Variants in RB1CC1 observed in about 807,000 individuals in gnomAD.
RB1CC1 encodes the protein RB1 inducible coiled-coil 1.
In RB1CC1, 46 loss-of-function variants were observed where a neutral mutation model predicts 177.5. That is an observed-to-expected ratio of 0.26 (90% CI 0.20 to 0.33). The LOEUF is 0.33. Among genes scored for constraint, RB1CC1 ranks in the 10% least tolerant of loss-of-function variants. RB1CC1 has a pLI of 1.00. For missense variants in RB1CC1, 1,703 were observed against 1,816.3 expected (o/e 0.94, Z 1.13); for synonymous variants, 666 against 613.6 (o/e 1.09, Z -1.26).
chr8:52,664,317 A>G (rs1851877709), intron 8 of RB1CC1, among the ~76,000 whole-genome samples: 3 of 152,286 alleles, frequency 2.0e-5, no homozygotes, highest in African/African-American at 7.2e-5. Context: ...CTCCCAATAT[A>G]CAACCAGACA....
intron 1 of RB1CC1, among the ~76,000 whole-genome samples, chr8:52,697,920 A>C (rs938757513): frequency 1.3e-5 from 2 of 152,234 alleles, no homozygotes; most frequent in African/African-American, 4.8e-5. Flanking sequence ...CTGTACCATG[A>C]AATCAATTTT....
chr8:52,706,961 T>C (rs114661636), intron 1 of RB1CC1, among the ~76,000 whole-genome samples: 1,829 of 152,158 alleles, frequency 0.012, 43 homozygotes, highest in African/African-American at 0.042. Flanking sequence ...CACGCCCCAA[T>C]TGTTATCTTT....
At chr8:52,679,969 TAG>T (rs1353493426) in intron 5 of RB1CC1, among the ~76,000 whole-genome samples, 2 of 152,168 alleles carry the variant, frequency 1.3e-5, no homozygotes, top group Non-Finnish European at 2.9e-5. Flanking sequence ...CTTACACATA[TAG>T]ATTCTGCTTC....
In RB1CC1 at chr8:52,672,482, C is replaced by T. The variant is rs540379858; in HGVS notation, c.1002+1363G>A. On this transcript the variant is annotated intron_variant, in intron 7 of 23. Transcript: ENST00000025008. ...GATAGGCCAGGTGCAGTGGCTCATG[C>T]CTGTAATCCCAGCACTTTGGAAGGC... Among the ~76,000 whole-genome samples, 13 of 152,312 alleles carry T rather than the reference C, an allele frequency of 8.5e-5. 1 individual carries two copies. The highest frequency in any genetic ancestry group is 4.1e-4 in the South Asian group (2 of 4,828).
intron 18 of RB1CC1, among the ~76,000 whole-genome samples, chr8:52,637,878 C>T (rs928418365): frequency 6.6e-6 from 1 of 152,076 alleles, no homozygotes; most frequent in Admixed American, 6.6e-5. Context: ...ACCATGTTGG[C>T]CAGGCTGATC....
At chr8:52,681,040 G>A (rs1853668110) in intron 5 of RB1CC1, among the ~76,000 whole-genome samples, 1 of 147,424 alleles carries the variant, frequency 6.8e-6, no homozygotes, top group African/African-American at 2.5e-5. Context: ...CACACAGGCT[G>A]GAGTGCAGTG....
chr8:52,697,348 A>G (rs1855517280), intron 1 of RB1CC1, among the ~76,000 whole-genome samples: 1 of 152,002 alleles, frequency 6.6e-6, no homozygotes, highest in Admixed American at 6.6e-5. Context: ...GATGGACGAG[A>G]CAAAATAAAC....
At chr8:52,651,561 A>C (rs561692888) in intron 15 of RB1CC1, among the ~76,000 whole-genome samples, 1 of 152,334 alleles carries the variant, frequency 6.6e-6, no homozygotes, top group African/African-American at 2.4e-5. Context: ...TGAAGTCAGA[A>C]CTGTTTTCAT....
intron 14 of RB1CC1, 36 bp downstream of exon 14, chr8:52,657,962 C>T (rs1851225021): frequency 1.9e-6 from 3 of 1,612,962 alleles, no homozygotes; most frequent in Non-Finnish European, 2.5e-6. Flanking sequence ...ACATTTTACA[C>T]TAATGAAGAA....
intron 1 of RB1CC1, among the ~76,000 whole-genome samples, chr8:52,712,516 A>C (rs963407698): frequency 4.0e-4 from 61 of 151,120 alleles, no homozygotes; most frequent in African/African-American, 1.3e-3. Context: ...AAAAAAAAAA[A>C]CTCAGGGACA....
At chr8:52,706,750 AAGAG>A (rs758772529) in intron 1 of RB1CC1, among the ~76,000 whole-genome samples, 44 of 151,006 alleles carry the variant, frequency 2.9e-4, no homozygotes, top group African/African-American at 8.2e-4. Flanking sequence ...AAAAAAAAAA[AAGAG>A]AGAGAGAGAT....
intron 15 of RB1CC1, among the ~76,000 whole-genome samples, chr8:52,654,265 G>A (rs969895448): frequency 3.9e-5 from 6 of 152,168 alleles, no homozygotes; most frequent in African/African-American, 1.4e-4. Context: ...CATAGGCTTT[G>A]CCCTTGCTCC....
intron 8 of RB1CC1, among the ~76,000 whole-genome samples, chr8:52,663,956 T>C (rs976927497): frequency 4.6e-5 from 7 of 152,192 alleles, no homozygotes; most frequent in African/African-American, 9.6e-5. Flanking sequence ...AAACAGCATG[T>C]AATTAATAAT....
At chr8:52,692,798 A>G (rs1271962210) in intron 1 of RB1CC1, among the ~76,000 whole-genome samples, 5 of 152,220 alleles carry the variant, frequency 3.3e-5, no homozygotes, top group African/African-American at 2.4e-5. Context: ...TACTAAATAC[A>G]ATACAAAAAA....
At chr8:52,696,310 G>A (rs1453622121) in intron 1 of RB1CC1, among the ~76,000 whole-genome samples, 1 of 146,072 alleles carries the variant, frequency 6.8e-6, no homozygotes, top group Non-Finnish European at 1.6e-5. Flanking sequence ...CCAAAGTGCT[G>A]GGATTACAGG....
chr8:52,696,210 A>C (rs1855394131), intron 1 of RB1CC1, among the ~76,000 whole-genome samples: 1 of 151,220 alleles, frequency 6.6e-6, no homozygotes, highest in Non-Finnish European at 1.5e-5. Flanking sequence ...ACGCCCGGCT[A>C]ATTTTTGTAT....
In RB1CC1 at chr8:52,674,132, C is replaced by G; in HGVS notation, c.715G>C (p.Glu239Gln). 1 of 1,614,100 alleles carries G rather than the reference C, an allele frequency of 6.2e-7. No individual in the cohort carries two copies. The highest frequency in any genetic ancestry group is 8.5e-7 in the Non-Finnish European group (1 of 1,179,994). ...GGCATATCAGGAGAGAGCACCAGTTCAGTGGATCTTTTCATCTCAGCTTTT... is the reference window on the plus strand; with the variant it reads ...GGCATATCAGGAGAGAGCACCAGTTGAGTGGATCTTTTCATCTCAGCTTTT... ...SEKAEMKRST[E>Q]LVLSPDMPRT... Residue 239 changes from glutamate to glutamine, a missense_variant, in exon 7 of 24, where the codon GAA (glutamate) becomes CAA (glutamine). Transcript: ENST00000025008.
intron 6 of RB1CC1, among the ~76,000 whole-genome samples, chr8:52,675,475 A>G (rs1317032713): frequency 6.6e-6 from 1 of 152,170 alleles, no homozygotes; most frequent in East Asian, 1.9e-4. Flanking sequence ...AATTACCATT[A>G]TATTTTCAGG....
chr8:52,713,225 T>C (rs1429179812), intron 1 of RB1CC1, among the ~76,000 whole-genome samples: 2 of 152,188 alleles, frequency 1.3e-5, no homozygotes, highest in African/African-American at 4.8e-5. Flanking sequence ...TTATCAACAG[T>C]GAGCACATGA....
Sources: gnomAD v4.1 joint callset for allele counts (sites outside exome capture counted in the v4.1 genomes callset) on GRCh38, gnomAD v4.1.1 for gene constraint, MANE v1.5 for transcripts, NCBI Gene and HGNC (gene_info 2026-07-23, HGNC 2026-07-21) for gene names.